The following PACRG variants were observed in gnomAD, a reference collection of about 807,000 sequenced individuals.
PACRG encodes parkin coregulated gene protein.
PACRG carries 29 observed loss-of-function variants against 29.7 expected under a neutral mutation model. The ratio of observed to expected loss-of-function variants is 0.98; its 90% confidence interval spans 0.73 to 1.33. The LOEUF (loss-of-function observed/expected upper bound fraction) is 1.33, where lower values mean the gene tolerates loss of function less well. PACRG is among the 40% of genes most tolerant of loss of function. PACRG has a pLI of 0.00. For synonymous variants in PACRG, 116 were observed against 118.7 expected (o/e 0.98, Z 0.15); for missense variants, 279 against 316.2 (o/e 0.88, Z 0.89).
intron 4 of PACRG, among the ~76,000 whole-genome samples, chr6:163,203,345 G>C (rs746294707): frequency 6.6e-6 from 1 of 152,108 alleles, no homozygotes; most frequent in African/African-American, 2.4e-5. Flanking sequence ...CCCAGGAGGC[G>C]GAGGTTGCAG....
chr6:163,277,950 C>T (rs1585394377), intron 4 of PACRG, among the ~76,000 whole-genome samples: 1 of 152,090 alleles, frequency 6.6e-6, no homozygotes, highest in East Asian at 1.9e-4. Context: ...TACATTCCCA[C>T]CAACAATGTA....
chr6:162,936,814 G>C (rs796751024), intron 2 of PACRG, among the ~76,000 whole-genome samples: 4 of 148,306 alleles, frequency 2.7e-5, no homozygotes, highest in African/African-American at 5.0e-5. Flanking sequence ...TTTTTTTTTA[G>C]TTTGGCTTAT....
rs533299094 is a variant in PACRG, at chr6:163,230,417, C to T, written c.614-84410C>T. 1.0e-3 allele frequency among the ~76,000 whole-genome samples: 158 copies of T among 152,078 alleles called. 1 individual carries two copies. Among genetic ancestry groups the T allele is most frequent in the Non-Finnish European group, 1.9e-3 (129 of 68,008 alleles). The stretch of plus-strand genomic sequence containing the variant: ...TTCACTATTTAATGGACAAAACATC[C>T]GAAAGAGATCCTACTTTCTCAGAAT... On this transcript the variant is annotated intron_variant, in intron 4 of 4. Transcript: ENST00000366888.
At chr6:163,268,333 C>T (rs922828631) in intron 4 of PACRG, among the ~76,000 whole-genome samples, 11 of 151,090 alleles carry the variant, frequency 7.3e-5, no homozygotes, top group African/African-American at 2.4e-4. Context: ...ACCTGGGAGG[C>T]AGAGCTTGCA....
chr6:163,200,434 C>A (rs1459297007), intron 4 of PACRG, among the ~76,000 whole-genome samples: 1 of 152,104 alleles, frequency 6.6e-6, no homozygotes, highest in Non-Finnish European at 1.5e-5. Context: ...TTTGCGTGAC[C>A]TCGCGCAAAG....
intron 2 of PACRG, among the ~76,000 whole-genome samples, chr6:162,891,091 G>A (rs1794721004): frequency 6.6e-6 from 1 of 152,124 alleles, no homozygotes; most frequent in Non-Finnish European, 1.5e-5. Flanking sequence ...AGCCAGCTTA[G>A]GTTTAACGAC....
chr6:163,160,195 A>G (rs1035464759), intron 4 of PACRG, among the ~76,000 whole-genome samples: 3 of 152,180 alleles, frequency 2.0e-5, no homozygotes, highest in Non-Finnish European at 4.4e-5. Flanking sequence ...AGGTTTCTTA[A>G]TTTTGACAGT....
At chr6:162,789,887 A>T (rs929097997) in intron 1 of PACRG, among the ~76,000 whole-genome samples, 3 of 151,788 alleles carry the variant, frequency 2.0e-5, no homozygotes, top group Admixed American at 2.0e-4. Flanking sequence ...TCTCTGTTGT[A>T]CTTTAGCATG....
At chr6:163,184,115 C>T (rs1562953925) in intron 4 of PACRG, among the ~76,000 whole-genome samples, 1 of 152,190 alleles carries the variant, frequency 6.6e-6, no homozygotes, top group Non-Finnish European at 1.5e-5. Flanking sequence ...ATAGAATCTC[C>T]TCACCATCCT....
At chr6:162,973,480 C>T (rs1453191010) in intron 2 of PACRG, among the ~76,000 whole-genome samples, 2 of 152,236 alleles carry the variant, frequency 1.3e-5, no homozygotes, top group African/African-American at 2.4e-5. Flanking sequence ...TAACCTTTAG[C>T]ACTGAATGTC....
At chr6:162,772,503 T>C (rs968853458) in intron 1 of PACRG, among the ~76,000 whole-genome samples, 4 of 152,062 alleles carry the variant, frequency 2.6e-5, no homozygotes, top group Non-Finnish European at 5.9e-5. Flanking sequence ...GAAAAAGAAA[T>C]TATCCTTAAA....
chr6:162,941,403 T>C (rs547053004), intron 2 of PACRG, among the ~76,000 whole-genome samples: 2 of 152,336 alleles, frequency 1.3e-5, no homozygotes, highest in African/African-American at 4.8e-5. Flanking sequence ...CCCAAAGTAC[T>C]GCGAGTGCAA....
chr6:163,072,551 G>T (rs528723072), intron 3 of PACRG, among the ~76,000 whole-genome samples: 12 of 152,040 alleles, frequency 7.9e-5, no homozygotes, highest in Non-Finnish European at 1.3e-4. Context: ...TCAGGAACAC[G>T]ACAGAGCGCC....
intron 4 of PACRG, among the ~76,000 whole-genome samples, chr6:163,301,373 G>A (rs943565554): frequency 3.3e-5 from 5 of 152,268 alleles, no homozygotes; most frequent in South Asian, 2.1e-4. Context: ...GAAGGAAAAC[G>A]GAACGATTAA....
intron 4 of PACRG, among the ~76,000 whole-genome samples, chr6:163,135,067 G>T (rs920235659): frequency 1.2e-4 from 18 of 151,878 alleles, no homozygotes; most frequent in Admixed American, 1.1e-3. Context: ...CATTTTTCAC[G>T]TTGTGAATTT....
chr6:162,914,112 T>C (rs371666704), intron 2 of PACRG, among the ~76,000 whole-genome samples: 1 of 152,182 alleles, frequency 6.6e-6, no homozygotes, highest in East Asian at 1.9e-4. Context: ...GGTTTTACTT[T>C]TGGTATGCTA....
intron 1 of PACRG, among the ~76,000 whole-genome samples, chr6:162,810,733 G>A (rs1786784920): frequency 6.6e-6 from 1 of 152,122 alleles, no homozygotes; most frequent in Non-Finnish European, 1.5e-5. Flanking sequence ...AGCAGTAGAA[G>A]TTACCCAATA....
intron 4 of PACRG, among the ~76,000 whole-genome samples, chr6:163,153,510 G>A (rs890615686): frequency 6.6e-6 from 1 of 152,168 alleles, no homozygotes; most frequent in Admixed American, 6.5e-5. Context: ...GGTGAATTTT[G>A]TCATTGATTC....
intron 2 of PACRG, among the ~76,000 whole-genome samples, chr6:162,868,485 G>A (rs1469825032): frequency 6.6e-6 from 1 of 152,212 alleles, no homozygotes; most frequent in African/African-American, 2.4e-5. Context: ...TGAGATGCGC[G>A]GTCCACAGTC....
Sources: gnomAD v4.1 joint callset for allele counts (sites outside exome capture counted in the v4.1 genomes callset) on GRCh38, gnomAD v4.1.1 for gene constraint, MANE v1.5 for transcripts, NCBI Gene and HGNC (gene_info 2026-07-23, HGNC 2026-07-21) for gene names.